Variants in SGCZ observed in about 807,000 individuals in gnomAD.
SGCZ encodes the protein sarcoglycan zeta.
SGCZ carries 40 observed loss-of-function variants against 41.3 expected under a neutral mutation model. That is an observed-to-expected ratio of 0.97 (90% confidence interval 0.75 to 1.26). The LOEUF (loss-of-function observed/expected upper bound fraction) is 1.26. Ranked by LOEUF, SGCZ falls within the 50% of genes most tolerant of loss-of-function variation. SGCZ has a pLI of 0.00. For missense variants in SGCZ, 552 were observed against 369.8 expected, an observed-to-expected ratio of 1.49 and a Z score of -4.04; for synonymous variants, 206 against 137.5, an observed-to-expected ratio of 1.50 and a Z score of -3.49.
chr8:14,780,374 C>CA (rs533888354), intron 1 of SGCZ, among the ~76,000 whole-genome samples: 19,291 of 78,546 alleles, frequency 0.25, 1,916 homozygotes, highest in African/African-American at 0.39. Context: ...GACTCCATCT[C>CA]AAAAAAAAAA....
rs1329789987 is a variant in SGCZ, at chr8:14,441,388, A to G, written c.234+113344T>C. Among the ~76,000 whole-genome samples, 3 of 152,016 alleles carry G rather than the reference A, an allele frequency of 2.0e-5. No homozygotes were observed. In the East Asian group the frequency reaches 5.9e-4, roughly 30 times the overall value. The stretch of plus-strand genomic sequence containing the variant: ...TCAAGAGATTGAGGCCATCCTGTCC[A>G]ACATGGTGAAACCCCGTCTCTACTG... On this transcript the variant is annotated intron_variant, in intron 2 of 7. Transcript: ENST00000382080.
intron 5 of SGCZ, among the ~76,000 whole-genome samples, chr8:14,140,000 C>G (rs991247336): frequency 6.6e-6 from 1 of 152,134 alleles, no homozygotes; most frequent in Non-Finnish European, 1.5e-5. Context: ...ATCAAATTTG[C>G]TTTATCCCTG....
intron 4 of SGCZ, among the ~76,000 whole-genome samples, chr8:14,235,311 C>A (rs1806716854): frequency 6.6e-6 from 1 of 152,152 alleles, no homozygotes; most frequent in Non-Finnish European, 1.5e-5. Context: ...AAAATACACT[C>A]AAAGGACCAG....
chr8:14,290,241 G>A (rs1301501757), intron 3 of SGCZ, among the ~76,000 whole-genome samples: 1 of 151,988 alleles, frequency 6.6e-6, no homozygotes, highest in Non-Finnish European at 1.5e-5. Flanking sequence ...ACTACAAGAA[G>A]GAAACATAGA....
At chr8:14,109,286 T>A (rs1291556577) in intron 5 of SGCZ, among the ~76,000 whole-genome samples, 1 of 152,178 alleles carries the variant, frequency 6.6e-6, no homozygotes, top group Non-Finnish European at 1.5e-5. Context: ...TGAATCCATT[T>A]TTTTCCAGAT....
At chr8:14,274,655 G>A (rs1280645937) in intron 3 of SGCZ, among the ~76,000 whole-genome samples, 1 of 151,882 alleles carries the variant, frequency 6.6e-6, no homozygotes, top group Non-Finnish European at 1.5e-5. Context: ...TCATTTGGAG[G>A]CTCCCTAAAC....
chr8:14,570,988 G>T (rs1804533705), intron 1 of SGCZ, among the ~76,000 whole-genome samples: 2 of 152,138 alleles, frequency 1.3e-5, no homozygotes, highest in Admixed American at 1.3e-4. Context: ...CACTCATCGA[G>T]ATTAGTCATT....
At chr8:14,556,064 C>T (rs1804025959) in intron 1 of SGCZ, among the ~76,000 whole-genome samples, 1 of 151,744 alleles carries the variant, frequency 6.6e-6, no homozygotes, top group Admixed American at 6.6e-5. Flanking sequence ...TAAGCAAATG[C>T]ATTTTTTACT....
At chr8:15,102,251 G>T (rs867418495) in intron 1 of SGCZ, among the ~76,000 whole-genome samples, 3 of 152,152 alleles carry the variant, frequency 2.0e-5, no homozygotes, top group Admixed American at 6.5e-5. Flanking sequence ...GCCATGGAAG[G>T]TCATGGAGGA....
At chr8:14,292,152 T>A (rs956187459) in intron 3 of SGCZ, among the ~76,000 whole-genome samples, 1 of 152,070 alleles carries the variant, frequency 6.6e-6, no homozygotes, top group Non-Finnish European at 1.5e-5. Flanking sequence ...TAAAAACTTA[T>A]TAAGTACGAA....
chr8:14,272,869 T>A (rs10107298), intron 3 of SGCZ, among the ~76,000 whole-genome samples: 5,766 of 152,248 alleles, frequency 0.038, 344 homozygotes, highest in African/African-American at 0.13. Flanking sequence ...TAGGGTACTA[T>A]GTAAAAATTT....
chr8:14,408,058 G>C (rs9325706), intron 2 of SGCZ, among the ~76,000 whole-genome samples: 1 of 151,974 alleles, frequency 6.6e-6, no homozygotes, highest in African/African-American at 2.4e-5. Flanking sequence ...GGATTGATTT[G>C]AATTAATGGG....
chr8:14,832,531 G>A (rs1399229707), intron 1 of SGCZ, among the ~76,000 whole-genome samples: 3 of 152,064 alleles, frequency 2.0e-5, no homozygotes, highest in Non-Finnish European at 4.4e-5. Flanking sequence ...TTCCTTCTGT[G>A]TAAATTTGTA....
At chr8:14,318,097 T>C (rs1000213455) in intron 3 of SGCZ, among the ~76,000 whole-genome samples, 3 of 151,886 alleles carry the variant, frequency 2.0e-5, no homozygotes, top group Non-Finnish European at 4.4e-5. Context: ...AAAGGTTGTA[T>C]TTCAATTCGG....
intron 2 of SGCZ, among the ~76,000 whole-genome samples, chr8:14,493,859 C>T (rs1801914899): frequency 6.6e-6 from 1 of 151,958 alleles, no homozygotes; most frequent in Non-Finnish European, 1.5e-5. Context: ...ATTTTTATTA[C>T]TATTTATAAT....
At chr8:14,137,364 G>A (rs1310420877) in intron 5 of SGCZ, among the ~76,000 whole-genome samples, 1 of 152,134 alleles carries the variant, frequency 6.6e-6, no homozygotes, top group Non-Finnish European at 1.5e-5. Context: ...CAGAAGATCA[G>A]TAATAACAAA....
chr8:14,254,815 T>C (rs1023730796), intron 3 of SGCZ, among the ~76,000 whole-genome samples: 2 of 152,182 alleles, frequency 1.3e-5, no homozygotes, highest in Admixed American at 1.3e-4. Flanking sequence ...GTGATCAATT[T>C]ACTAAAGCTG....
At chr8:14,812,138 T>C (rs770581772) in intron 1 of SGCZ, among the ~76,000 whole-genome samples, 2 of 151,978 alleles carry the variant, frequency 1.3e-5, no homozygotes, top group Non-Finnish European at 2.9e-5. Flanking sequence ...TTAAAGATAT[T>C]TTAAAATATT....
intron 4 of SGCZ, among the ~76,000 whole-genome samples, chr8:14,227,345 G>C (rs1282901788): frequency 1.3e-5 from 2 of 152,024 alleles, no homozygotes; most frequent in Admixed American, 1.3e-4. Flanking sequence ...CTTTGGGAAG[G>C]GTAAAGGAAG....
Sources: gnomAD v4.1 joint callset for allele counts (sites outside exome capture counted in the v4.1 genomes callset) on GRCh38, gnomAD v4.1.1 for gene constraint, MANE v1.5 for transcripts, NCBI Gene and HGNC (gene_info 2026-07-23, HGNC 2026-07-21) for gene names.